Variants in GRIN2A observed in about 807,000 individuals in gnomAD.
GRIN2A encodes the protein glutamate receptor ionotropic, NMDA 2A.
A neutral mutation model predicts 113.4 loss-of-function variants in GRIN2A; 22 were observed. The ratio of observed to expected loss-of-function variants is 0.19; its 90% CI spans 0.14 to 0.28. The LOEUF is 0.28. Ranked by LOEUF, GRIN2A falls within the 10% of genes least tolerant of loss-of-function variation. GRIN2A has a pLI of 1.00. For synonymous variants in GRIN2A, 827 were observed against 738.4 expected (o/e 1.12, Z -1.94); for missense variants, 1,502 against 1,887.0 (o/e 0.80, Z 3.78).
Position 9,771,005 on chromosome 16 carries a change from T to A in GRIN2A, c.2357-1916A>T, listed in dbSNP as rs539636580. Among the ~76,000 whole-genome samples, 9 of 152,340 alleles carry A rather than the reference T, an allele frequency of 5.9e-5. No homozygotes were observed. In the East Asian group the frequency reaches 7.7e-4, roughly 13 times the overall value. ...AGCTTTGTAGGAAACTGCCAAACTTTCTTCCAAAGTGGCTGTACTATTTTG... is the reference window on the plus strand; with the variant it reads ...AGCTTTGTAGGAAACTGCCAAACTTACTTCCAAAGTGGCTGTACTATTTTG... On this transcript the variant is annotated intron_variant, in intron 11 of 12. Coordinates refer to ENST00000330684, the MANE Select transcript of GRIN2A (RefSeq NM_001134407.3).
intron 2 of GRIN2A, among the ~76,000 whole-genome samples, chr16:10,161,733 G>A (rs912049874): frequency 1.3e-5 from 2 of 152,156 alleles, no homozygotes; most frequent in Non-Finnish European, 2.9e-5. Flanking sequence ...TGGCAGGGTG[G>A]CATTCCTTCC....
chr16:9,843,081 GAGAGAAAGAA>G (rs1231422276), intron 5 of GRIN2A, among the ~76,000 whole-genome samples: 1 of 151,370 alleles, frequency 6.6e-6, no homozygotes, highest in African/African-American at 2.4e-5. Context: ...GGAGAGAGAA[GAGAGAAAGAA>G]AGAGAAAGAA....
intron 4 of GRIN2A, among the ~76,000 whole-genome samples, chr16:9,860,317 A>G (rs1363399756): frequency 6.6e-6 from 1 of 151,800 alleles, no homozygotes; most frequent in East Asian, 1.9e-4. Context: ...TTAGCCAGGC[A>G]TGGGTCTGTA....
intron 2 of GRIN2A, among the ~76,000 whole-genome samples, chr16:10,045,344 G>A (rs561995299): frequency 6.6e-6 from 1 of 152,184 alleles, no homozygotes; most frequent in South Asian, 2.1e-4. Flanking sequence ...TCCTTCTTAT[G>A]TTTACCAAGG....
intron 2 of GRIN2A, among the ~76,000 whole-genome samples, chr16:10,129,647 G>T (rs193161575): frequency 2.0e-5 from 3 of 152,310 alleles, no homozygotes; most frequent in Admixed American, 2.0e-4. Context: ...AGGACCAAGG[G>T]AAAAGAGAGC....
At chr16:10,167,189 G>A (rs1024960310) in intron 2 of GRIN2A, among the ~76,000 whole-genome samples, 2 of 152,092 alleles carry the variant, frequency 1.3e-5, no homozygotes, top group Non-Finnish European at 2.9e-5. Flanking sequence ...GAGGGTCTGT[G>A]ATCCCCTGAA....
At position 9,859,880 on chromosome 16, in the gene GRIN2A, A is replaced by G. The variant is rs552785451; in HGVS notation, c.1123-9919T>C. The stretch of plus-strand genomic sequence containing the variant: ...TGCATTTTCTTTGCCTTTAGAACAC[A>G]CTTTCCCCTCACTTGTTTATTCATG... On this transcript the variant is annotated intron_variant, in intron 4 of 12. Transcript: ENST00000330684. Among the ~76,000 whole-genome samples the G allele has an allele frequency of 4.1e-4, 63 of 151,962 alleles. No individual in the cohort carries two copies. The South Asian group carries it at 5.6e-3, about 14-fold the overall frequency.
intron 2 of GRIN2A, among the ~76,000 whole-genome samples, chr16:10,025,200 C>A (rs1484949602): frequency 6.0e-5 from 9 of 150,016 alleles, no homozygotes. Context: ...GCAGCTGAAT[C>A]ATAAAACTAT....
At chr16:9,901,777 T>A (rs970930420) in intron 3 of GRIN2A, among the ~76,000 whole-genome samples, 1 of 152,190 alleles carries the variant, frequency 6.6e-6, no homozygotes, top group Non-Finnish European at 1.5e-5. Flanking sequence ...ATCTTTATAT[T>A]AATCAATTAA....
chr16:10,090,220 A>G (rs941402995), intron 2 of GRIN2A, among the ~76,000 whole-genome samples: 5 of 152,222 alleles, frequency 3.3e-5, no homozygotes, highest in African/African-American at 1.2e-4. Context: ...GCCAAAAAAA[A>G]AATAGACCCA....
rs191692682 is a variant in GRIN2A, at chr16:10,006,064, C to G, written c.415-67513G>C. 2.2e-3 allele frequency among the ~76,000 whole-genome samples: 332 copies of G among 152,276 alleles called. 1 individual carries two copies. The highest frequency in any genetic ancestry group is 3.3e-3 in the Non-Finnish European group (224 of 68,034). On this transcript the variant is annotated intron_variant, in intron 2 of 12. Transcript: ENST00000330684. ...AGGATGTAGGCTGTTGTAATAATAACCTACTTCATATAAGAGAAAATAAGC... is the reference window on the plus strand; with the variant it reads ...AGGATGTAGGCTGTTGTAATAATAAGCTACTTCATATAAGAGAAAATAAGC...
chr16:10,126,356 G>T (rs983679001), intron 2 of GRIN2A, among the ~76,000 whole-genome samples: 1 of 151,888 alleles, frequency 6.6e-6, no homozygotes, highest in African/African-American at 2.4e-5. Context: ...TGTAGAGAGG[G>T]GGGTCTCGCT....
intron 3 of GRIN2A, among the ~76,000 whole-genome samples, chr16:9,927,200 G>A (rs914776404): frequency 6.6e-5 from 10 of 152,316 alleles, no homozygotes; most frequent in Admixed American, 6.5e-4. Flanking sequence ...CATGCCTCCT[G>A]TAAGAATCTA....
chr16:9,847,604 TA>T (rs953819202), intron 5 of GRIN2A, among the ~76,000 whole-genome samples: 2 of 151,036 alleles, frequency 1.3e-5, no homozygotes, highest in African/African-American at 4.9e-5. Context: ...TTTTAACACA[TA>T]AAAATATATA....
intron 2 of GRIN2A, among the ~76,000 whole-genome samples, chr16:10,064,056 C>A (rs1003225597): frequency 1.3e-5 from 2 of 152,144 alleles, no homozygotes; most frequent in African/African-American, 4.8e-5. Context: ...ACTGATGTGT[C>A]ATTTTTCAAT....
At chr16:9,836,618 G>A (rs1467982304) in intron 7 of GRIN2A, among the ~76,000 whole-genome samples, 1 of 152,174 alleles carries the variant, frequency 6.6e-6, no homozygotes, top group Non-Finnish European at 1.5e-5. Flanking sequence ...GCACAGCACG[G>A]ATCAAAGGAC....
chr16:9,783,270 G>A lies in GRIN2A; in HGVS notation c.2357-14181C>T, dbSNP rs529271796. Among the ~76,000 whole-genome samples the A allele has an allele frequency of 2.9e-4, 44 of 152,236 alleles. 2 individuals carry two copies. The highest frequency in any genetic ancestry group is 3.4e-3 in the Middle Eastern group (1 of 294). ...TCCCCGTGGTTTCACATGAGACCCC[G>A]TCTACACGTATAAGGAATCAGGATA... is the stretch of plus-strand genomic sequence containing the variant. On this transcript the variant is annotated intron_variant, in intron 11 of 12. Coordinates refer to ENST00000330684, the MANE Select transcript of GRIN2A (RefSeq NM_001134407.3).
At chr16:9,911,745 A>G (rs1395847217) in intron 3 of GRIN2A, among the ~76,000 whole-genome samples, 1 of 152,228 alleles carries the variant, frequency 6.6e-6, no homozygotes, top group Non-Finnish European at 1.5e-5. Context: ...GGAGAAGCAC[A>G]TGATTATAAT....
intron 2 of GRIN2A, among the ~76,000 whole-genome samples, chr16:10,097,334 C>A (rs1024382599): frequency 6.6e-6 from 1 of 152,144 alleles, no homozygotes; most frequent in East Asian, 1.9e-4. Flanking sequence ...AACAAATAAT[C>A]GTAGAGATGT....
Sources: gnomAD v4.1 joint callset for allele counts (sites outside exome capture counted in the v4.1 genomes callset) on GRCh38, gnomAD v4.1.1 for gene constraint, MANE v1.5 for transcripts, NCBI Gene and HGNC (gene_info 2026-07-23, HGNC 2026-07-21) for gene names.